Variants in SIGLEC12 observed in about 807,000 individuals in gnomAD.
SIGLEC12 encodes the protein sialic acid-binding Ig-like lectin 12.
SIGLEC12 carries 43 observed loss-of-function variants against 54.1 expected under a neutral mutation model. That is an observed-to-expected ratio of 0.80 (90% confidence interval 0.62 to 1.03). The LOEUF is 1.03. Ranked by LOEUF, SIGLEC12 falls within the 50% of genes least tolerant of loss-of-function variation. The pLI, the probability that SIGLEC12 is intolerant of heterozygous loss-of-function variation, is 0.00. For synonymous variants in SIGLEC12, 357 were observed against 307.6 expected (o/e 1.16, Z -1.68); for missense variants, 802 against 735.2 (o/e 1.09, Z -1.05).
At chr19:51,500,989 G>T (rs1990378209) in intron 1 of SIGLEC12, among the ~76,000 whole-genome samples, 1 of 152,100 alleles carries the variant, frequency 6.6e-6, no homozygotes, top group Admixed American at 6.5e-5. Context: ...GTGGGGAGAG[G>T]CCTGGGATGG....
In SIGLEC12 at chr19:51,501,524, T is replaced by C. The variant is rs2122228353; in HGVS notation, c.210A>G (p.Val70=). 1.3e-6 allele frequency: 2 copies of C among 1,561,666 alleles called. No individual in the cohort carries two copies. The highest frequency in any genetic ancestry group is 1.1e-5 in the South Asian group (1 of 89,282). The change falls in exon 1 of 8, where the codon GTA becomes GTG. Residue 70 remains valine, a synonymous_variant. Transcript: ENST00000291707. Reference sequence around the variant, plus strand: ...TTGTGGCCACTGGAATGTTCCGGCTTACATGGTCCCCTGCCCGGAACCAGT... The same window carrying C: ...TTGTGGCCACTGGAATGTTCCGGCTCACATGGTCCCCTGCCCGGAACCAGT... The part of the protein sequence containing the change: ...HGYWFRAGDH[V]SRNIPVATNN...
At chr19:51,492,765 C>A (rs1412660004) in intron 7 of SIGLEC12, among the ~76,000 whole-genome samples, 1 of 152,170 alleles carries the variant, frequency 6.6e-6, no homozygotes, top group Admixed American at 6.5e-5. Flanking sequence ...GGTGAGAAAG[C>A]GCATCCTCCC....
At chr19:51,494,535 C>T (rs911562552) in intron 7 of SIGLEC12, among the ~76,000 whole-genome samples, 1 of 152,184 alleles carries the variant, frequency 6.6e-6, no homozygotes, top group Non-Finnish European at 1.5e-5. Flanking sequence ...AGTGTAGCCA[C>T]TGTGGAAAAC....
rs778514663 is a variant in SIGLEC12 at position 51,501,426 on chromosome 19, T to G, written c.308A>C (p.Asp103Ala). 4 of 1,614,120 alleles carry G rather than the reference T, an allele frequency of 2.5e-6. No individual in the cohort carries two copies. The Admixed American group carries it at 6.7e-5, about 27-fold the overall frequency. The change falls in exon 1 of 8, where the codon GAT becomes GCT. Residue 103 changes from aspartate to alanine, a missense_variant. Asp to Ala is a moderately radical substitution (Grantham distance 126). Transcript: ENST00000291707. ...GGTGTCTCTGATGCTCAGGGTACAA[T>G]CCTTGTTCTGTGGGTCCCCAAGGAG... Reference protein sequence around the residue: ...FHLLGDPQNKDCTLSIRDTRE... With the variant: ...FHLLGDPQNKACTLSIRDTRE...
Position 51,499,521 on chromosome 19 carries a change from T to C in SIGLEC12, c.1004A>G (p.Asp335Gly). The stretch of plus-strand genomic sequence containing the variant: ...CTGACAGGTGAGGCTGGTGCCATGG[T>C]CCTGGGGCTGTGGGATGAGGCTGAG... ...SMLSLIPQPQ[D>G]HGTSLTCQVT... Residue 335 changes from aspartate (D) to glycine (G), a missense_variant, in exon 3 of 8, where the codon GAC becomes GGC. Asp to Gly is a moderately conservative substitution (Grantham distance 94, BLOSUM62 -1). Coordinates refer to ENST00000291707, the MANE Select transcript of SIGLEC12 (RefSeq NM_053003.4). 1 of 1,610,936 alleles carries C rather than the reference T, an allele frequency of 6.2e-7. No individual in the cohort carries two copies. The highest frequency in any genetic ancestry group is 8.5e-7 in the Non-Finnish European group (1 of 1,178,408).
At position 51,500,190 on chromosome 19, in the gene SIGLEC12, A is replaced by G. The variant is rs77749918; in HGVS notation, c.538T>C (p.Trp180Arg). Reference sequence around the variant, plus strand: ...CCATAAACAGGGCTAGAGGCAGTCCAGTTGTAATGGGGGTAAAGGACACTG... The same window carrying G: ...CCATAAACAGGGCTAGAGGCAGTCCGGTTGTAATGGGGGTAAAGGACACTG... ...PCSVLYPHYN[W>R]TASSPVYGSW... Residue 180 changes from tryptophan to arginine, a missense_variant, in exon 2 of 8, where the codon TGG (tryptophan) becomes CGG (arginine). Trp to Arg is a moderately radical substitution (Grantham distance 101). Coordinates refer to ENST00000291707, the MANE Select transcript of SIGLEC12 (RefSeq NM_053003.4). 1 of 1,614,074 alleles carries G rather than the reference A, an allele frequency of 6.2e-7. No individual in the cohort carries two copies. Among genetic ancestry groups the G allele is most frequent in the South Asian group, 1.1e-5 (1 of 91,084 alleles).
At position 51,496,874 on chromosome 19, in the gene SIGLEC12, A is replaced by T. The variant is rs779261930; in HGVS notation, c.1599+6T>A. ...GGAGAAGGGCTGTGATTCAATGCTC[A>T]CTCACCTGAGAGGCTGAGCCCCTGA... On this transcript the variant is annotated splice_donor_region_variant and intron_variant, in intron 7 of 7. Transcript: ENST00000291707. 17 of 1,613,448 alleles carry T rather than the reference A, an allele frequency of 1.1e-5. No individual in the cohort carries two copies. In the South Asian group the frequency reaches 1.8e-4, roughly 17 times the overall value.
At position 51,498,038 on chromosome 19, in the gene SIGLEC12, G is replaced by C; in HGVS notation, c.1385C>G (p.Ser462Cys). 6.2e-7 allele frequency: 1 copy of C among 1,614,222 alleles called. No homozygotes were observed. Among genetic ancestry groups the C allele is most frequent in the South Asian group, 1.1e-5 (1 of 91,086 alleles). Reference sequence around the variant, plus strand: ...CCCACCTGTGTACTCGTTTTGCAGGGAGAGGCTCAGGGAAATGTGCTGGGA... The same window carrying C: ...CCCACCTGTGTACTCGTTTTGCAGGCAGAGGCTCAGGGAAATGTGCTGGGA... ...LGSQHISLSL[S>C]LQNEYTGKMR... Residue 462 changes from serine to cysteine, a missense_variant, in exon 5 of 8, where the codon TCC becomes TGC. Ser to Cys is a moderately radical substitution (Grantham distance 112, BLOSUM62 -1). Transcript: ENST00000291707.
chr19:51,497,838 T>G (rs1990281443), intron 5 of SIGLEC12, among the ~76,000 whole-genome samples, 180 bp downstream of exon 5: 1 of 152,014 alleles, frequency 6.6e-6, no homozygotes, highest in South Asian at 2.1e-4. Flanking sequence ...CCAAACACAC[T>G]TGTCCAGGCC....
rs957729266 is a variant in SIGLEC12, at chr19:51,501,587, G to T, written c.147C>A (p.Pro49=). The change falls in exon 1 of 8, where the codon CCC becomes CCA. Residue 49 remains proline, a synonymous_variant. Coordinates refer to ENST00000291707, the MANE Select transcript of SIGLEC12 (RefSeq NM_053003.4). ...GATCGGAGGCAGTCCAGCCATTTTGGGGGTAGGAGAAGGAGCAAAGCACAG... is the reference window on the plus strand; with the variant it reads ...GATCGGAGGCAGTCCAGCCATTTTGTGGGTAGGAGAAGGAGCAAAGCACAG... The part of the protein sequence containing the change: ...CVSVLCSFSY[P]QNGWTASDPV... 1 of 1,613,868 alleles carries T rather than the reference G, an allele frequency of 6.2e-7. No homozygotes were observed. The highest frequency in any genetic ancestry group is 8.5e-7 in the Non-Finnish European group (1 of 1,179,934).
In SIGLEC12 at chr19:51,500,245, C is replaced by A; in HGVS notation, c.483G>T (p.Val161=). ...GCACAGAGACACACAGACCCTCCTG[C>A]ACAGTCACCGACTCTGGCACCTCCA... is the stretch of plus-strand genomic sequence containing the variant. ...YRLEVPESVT[V]QEGLCVSVPC... Residue 161 remains valine, a synonymous_variant, in exon 2 of 8, where the codon GTG becomes GTT. Transcript: ENST00000291707. 1 of 1,614,182 alleles carries A rather than the reference C, an allele frequency of 6.2e-7. No homozygotes were observed. The highest frequency in any genetic ancestry group is 8.5e-7 in the Non-Finnish European group (1 of 1,180,032).
In SIGLEC12 at chr19:51,499,167, T is replaced by C; in HGVS notation, c.1135+3A>G. The C allele has an allele frequency of 1.2e-6, 2 of 1,614,014 alleles. No homozygotes were observed. The highest frequency in any genetic ancestry group is 8.5e-7 in the Non-Finnish European group (1 of 1,179,894). ...CAGCCCCAGGGAGAGGACTCCATCT[T>C]ACCTGTGCCATCTCCTTGGAAGACA... On this transcript the variant is annotated splice_donor_region_variant and intron_variant, in intron 4 of 7. Transcript: ENST00000291707.
At chr19:51,495,413 G>GTGGATGGATGGA (rs1276089932) in intron 7 of SIGLEC12, among the ~76,000 whole-genome samples, 10 of 41,550 alleles carry the variant, frequency 2.4e-4, no homozygotes, top group African/African-American at 8.4e-4. Context: ...GGGTGGGTGG[G>GTGGATGGATGGA]TGGATGGATG....
chr19:51,501,509 T>A lies in SIGLEC12; in HGVS notation c.225A>T (p.Pro75=), dbSNP rs1256233939. 1 of 1,604,902 alleles carries A rather than the reference T, an allele frequency of 6.2e-7. No individual in the cohort carries two copies. The highest frequency in any genetic ancestry group is 1.4e-5 in the African/African-American group (1 of 72,168). The change falls in exon 1 of 8, where the codon CCA becomes CCT. Residue 75 remains proline (P), a synonymous_variant. Coordinates refer to ENST00000291707, the MANE Select transcript of SIGLEC12 (RefSeq NM_053003.4). ...CTCGAGCTGGGTTGTTTGTGGCCACTGGAATGTTCCGGCTTACATGGTCCC... is the reference window on the plus strand; with the variant it reads ...CTCGAGCTGGGTTGTTTGTGGCCACAGGAATGTTCCGGCTTACATGGTCCC... The part of the protein sequence containing the change: ...RAGDHVSRNI[P]VATNNPARAV...
At chr19:51,497,979 A>C (rs1161574590) in intron 5 of SIGLEC12, 39 bp downstream of exon 5, 3 of 1,609,552 alleles carry the variant, frequency 1.9e-6, no homozygotes, top group Non-Finnish European at 2.5e-6. Flanking sequence ...TGAGGGTGGG[A>C]CATGTGTGTT....
chr19:51,500,539 C>G (rs1990368553), intron 1 of SIGLEC12: 1 of 211,692 alleles, frequency 4.7e-6, no homozygotes, highest in African/African-American at 2.4e-5. Flanking sequence ...ATTCCCTCTG[C>G]ACAGAGTGAA....
intron 7 of SIGLEC12, among the ~76,000 whole-genome samples, chr19:51,495,393 ATGGATGGGTGGG>A (rs1990214471): frequency 1.4e-5 from 1 of 70,998 alleles, no homozygotes; most frequent in South Asian, 6.0e-4. Flanking sequence ...GGATGGATGG[ATGGATGGGTGGG>A]TGGGTGGGTG....
Position 51,497,309 on chromosome 19 carries a change from C to T in SIGLEC12, c.1502+40G>A, listed in dbSNP as rs752767382. 2.6e-6 allele frequency: 4 copies of T among 1,562,764 alleles called. No individual in the cohort carries two copies. The South Asian group carries it at 4.5e-5, about 18-fold the overall frequency. Reference sequence around the variant, plus strand: ...CTTCAGGGATTTTGTTCCCAGCCTGCCCTCCCCCAAGGCTCTTCCTCCCCA... The same window carrying T: ...CTTCAGGGATTTTGTTCCCAGCCTGTCCTCCCCCAAGGCTCTTCCTCCCCA... On this transcript the variant is annotated intron_variant, in intron 6 of 7. Coordinates refer to ENST00000291707, the MANE Select transcript of SIGLEC12 (RefSeq NM_053003.4).
Position 51,500,214 on chromosome 19 carries a change from T to A in SIGLEC12, c.514A>T (p.Ser172Cys), listed in dbSNP as rs540287134. The A allele has an allele frequency of 3.2e-5, 52 of 1,614,134 alleles. No homozygotes were observed. The South Asian group carries it at 5.1e-4, about 16-fold the overall frequency. Residue 172 changes from serine to cysteine, a missense_variant, in exon 2 of 8, where the codon AGT (serine) becomes TGT (cysteine). Coordinates refer to ENST00000291707, the MANE Select transcript of SIGLEC12 (RefSeq NM_053003.4). Reference protein sequence around the residue: ...QEGLCVSVPCSVLYPHYNWTA... With the variant: ...QEGLCVSVPCCVLYPHYNWTA... ...CAGTTGTAATGGGGGTAAAGGACAC[T>A]GCAGGGCACAGAGACACACAGACCC...
Sources: allele counts gnomAD v4.1 joint callset (sites outside exome capture counted in the v4.1 genomes callset), GRCh38; gene constraint gnomAD v4.1.1; transcripts MANE v1.5; gene names NCBI Gene and HGNC (gene_info 2026-07-23, HGNC 2026-07-21).